MIPOL1: variants seen among roughly 807,000 people sequenced by gnomAD.
MIPOL1 encodes the protein mirror-image polydactyly gene 1 protein.
A neutral mutation model predicts 60.9 loss-of-function variants in MIPOL1; 57 were observed. The ratio of observed to expected loss-of-function variants is 0.94; its 90% CI spans 0.76 to 1.17. The LOEUF is 1.17. Among genes scored for constraint, MIPOL1 ranks in the 50% most tolerant of loss-of-function variants. The probability of loss-of-function intolerance (pLI) is 0.00; values close to 1 mark genes in which losing one functional copy is unlikely to be tolerated. For missense variants in MIPOL1, 551 were observed against 511.6 expected, an observed-to-expected ratio of 1.08 and a Z score of -0.74; for synonymous variants, 179 against 168.8, an observed-to-expected ratio of 1.06 and a Z score of -0.47.
intron 1 of MIPOL1, among the ~76,000 whole-genome samples, chr14:37,224,190 G>A (rs538059224): frequency 6.6e-6 from 1 of 152,264 alleles, no homozygotes; most frequent in South Asian, 2.1e-4. Flanking sequence ...TTTAGAAAGT[G>A]TTTTACCAGG....
chr14:37,549,066 T>C lies in MIPOL1; in HGVS notation c.*2095T>C, dbSNP rs1286543425. 1 of 151,976 alleles carries C rather than the reference T, an allele frequency of 6.6e-6. No homozygotes were observed. Among genetic ancestry groups the C allele is most frequent in the Non-Finnish European group, 1.5e-5 (1 of 67,838 alleles). 9.4% of individuals were successfully genotyped at this position (151,976 alleles called of 1,614,324 possible). On this transcript the variant is annotated 3_prime_UTR_variant, in exon 13 of 13. Transcript: ENST00000684589. ...AATTAATTTCTTACACTTAAAAGTGTCCATCAACAGTGTGTCAGATGGTCT... is the reference window on the plus strand; with the variant it reads ...AATTAATTTCTTACACTTAAAAGTGCCCATCAACAGTGTGTCAGATGGTCT...
At chr14:37,231,227 A>G (rs1037527124) in intron 1 of MIPOL1, among the ~76,000 whole-genome samples, 5 of 152,118 alleles carry the variant, frequency 3.3e-5, no homozygotes, top group Non-Finnish European at 5.9e-5. Context: ...AATTAGGACT[A>G]CAGGCACTCA....
intron 12 of MIPOL1, among the ~76,000 whole-genome samples, chr14:37,521,832 G>A (rs1030129807): frequency 6.7e-6 from 1 of 149,744 alleles, no homozygotes; most frequent in Non-Finnish European, 1.5e-5. Context: ...GCAGTGAGCC[G>A]AGATCATGCC....
intron 6 of MIPOL1, chr14:37,277,486 G>A (rs1200012951): frequency 1.3e-5 from 2 of 151,232 alleles, no homozygotes; most frequent in African/African-American, 2.4e-5. Context: ...TTGAATGTAA[G>A]CATAGAGCAT....
In MIPOL1 at chr14:37,201,019, C is replaced by T. The variant is rs190349658; in HGVS notation, c.-199+2915C>T. Among the ~76,000 whole-genome samples the T allele has an allele frequency of 1.1e-4, 16 of 150,994 alleles. No homozygotes were observed. In the East Asian group the frequency reaches 1.4e-3, roughly 13 times the overall value. On this transcript the variant is annotated intron_variant, in intron 1 of 12. Coordinates refer to ENST00000684589, the MANE Select transcript of MIPOL1 (RefSeq NM_001388067.1). Reference sequence around the variant, plus strand: ...CTGGGCTGAAGTGATCCTCTCACCTCGGCTTCCCAAGTAGCTAGGGTTACA... The same window carrying T: ...CTGGGCTGAAGTGATCCTCTCACCTTGGCTTCCCAAGTAGCTAGGGTTACA...
intron 1 of MIPOL1, among the ~76,000 whole-genome samples, chr14:37,235,995 C>T (rs1429808370): frequency 5.9e-5 from 9 of 151,600 alleles, no homozygotes; most frequent in Non-Finnish European, 1.3e-4. Context: ...GGCACGATCT[C>T]GGCTCACTGC....
chr14:37,230,717 T>A (rs938050849), intron 1 of MIPOL1, among the ~76,000 whole-genome samples: 1 of 152,136 alleles, frequency 6.6e-6, no homozygotes, highest in Non-Finnish European at 1.5e-5. Flanking sequence ...TTTTGTTAGG[T>A]TTACTGCAAA....
chr14:37,329,447 A>G (rs1206455698), intron 9 of MIPOL1, among the ~76,000 whole-genome samples: 1 of 152,176 alleles, frequency 6.6e-6, no homozygotes, highest in Non-Finnish European at 1.5e-5. Context: ...GACTTTTTAT[A>G]TAATATTCAA....
chr14:37,437,882 T>A (rs1184060214), intron 11 of MIPOL1, among the ~76,000 whole-genome samples: 1 of 152,198 alleles, frequency 6.6e-6, no homozygotes, highest in Non-Finnish European at 1.5e-5. Flanking sequence ...TTTATTGTTA[T>A]CATTAGCTCT....
intron 12 of MIPOL1, among the ~76,000 whole-genome samples, chr14:37,511,825 G>C (rs1160619990): frequency 6.6e-6 from 1 of 152,116 alleles, no homozygotes; most frequent in Non-Finnish European, 1.5e-5. Flanking sequence ...CAGATTTACA[G>C]TGATATGATT....
chr14:37,362,177 G>A (rs537024465), intron 9 of MIPOL1, among the ~76,000 whole-genome samples: 40 of 152,202 alleles, frequency 2.6e-4, no homozygotes, highest in African/African-American at 7.0e-4. Flanking sequence ...TAATTTGCCC[G>A]TTAATTGATG....
chr14:37,253,973 A>G (rs1472236304), intron 3 of MIPOL1, among the ~76,000 whole-genome samples: 1 of 151,740 alleles, frequency 6.6e-6, no homozygotes, highest in African/African-American at 2.4e-5. Context: ...TTGGGGGTTA[A>G]AAGAAGAACA....
At chr14:37,286,521 A>G (rs550630324) in intron 7 of MIPOL1, among the ~76,000 whole-genome samples, 3 of 152,304 alleles carry the variant, frequency 2.0e-5, no homozygotes, top group African/African-American at 7.2e-5. Context: ...GAATCCAGTA[A>G]TCTAATATTT....
intron 11 of MIPOL1, among the ~76,000 whole-genome samples, chr14:37,436,778 A>G (rs146082391): frequency 5.9e-5 from 9 of 152,314 alleles, no homozygotes; most frequent in African/African-American, 2.2e-4. Context: ...ACCTGGCCCT[A>G]TCCCAAAATG....
At chr14:37,535,390 A>AT (rs2095501469) in intron 12 of MIPOL1, among the ~76,000 whole-genome samples, 1 of 152,156 alleles carries the variant, frequency 6.6e-6, no homozygotes, top group Non-Finnish European at 1.5e-5. Flanking sequence ...TTCTTGCTGA[A>AT]TTTCAAGGTG....
At chr14:37,199,044 A>G (rs1002365838) in intron 1 of MIPOL1, among the ~76,000 whole-genome samples, 3 of 152,356 alleles carry the variant, frequency 2.0e-5, no homozygotes, top group Admixed American at 6.5e-5. Flanking sequence ...AATGATGGCA[A>G]TCAGCAAAAT....
intron 10 of MIPOL1, among the ~76,000 whole-genome samples, chr14:37,391,195 G>A (rs992259818): frequency 1.3e-5 from 2 of 151,806 alleles, no homozygotes; most frequent in African/African-American, 4.8e-5. Flanking sequence ...ATGTGACATA[G>A]TGGCACATAA....
intron 3 of MIPOL1, among the ~76,000 whole-genome samples, chr14:37,248,180 A>G (rs1307715962): frequency 6.6e-6 from 1 of 152,122 alleles, no homozygotes; most frequent in African/African-American, 2.4e-5. Flanking sequence ...AAAAAAAAAG[A>G]CACACCAGGA....
At chr14:37,240,227 G>A (rs568568347) in intron 1 of MIPOL1, among the ~76,000 whole-genome samples, 1 of 152,248 alleles carries the variant, frequency 6.6e-6, no homozygotes, top group South Asian at 2.1e-4. Flanking sequence ...AGAAAATATG[G>A]AAAATCGCTA....
Sources: gnomAD v4.1 joint callset for allele counts (sites outside exome capture counted in the v4.1 genomes callset) on GRCh38, gnomAD v4.1.1 for gene constraint, MANE v1.5 for transcripts, NCBI Gene and HGNC (gene_info 2026-07-23, HGNC 2026-07-21) for gene names.